The following HNRNPF variants were observed in gnomAD, a reference collection of about 807,000 sequenced individuals.
HNRNPF encodes the protein HnRNP F protein.
HNRNPF carries 2 observed loss-of-function variants against 26.0 expected under a neutral mutation model. That is an observed-to-expected ratio of 0.08 (90% CI 0.03 to 0.24). The LOEUF is 0.24. Ranked by LOEUF, HNRNPF falls within the 10% of genes least tolerant of loss-of-function variation. The pLI is 1.00. For missense variants in HNRNPF, 299 were observed against 539.2 expected (o/e 0.55, Z 4.41); for synonymous variants, 234 against 211.5 (o/e 1.11, Z -0.92).
chr10:43,387,598 A>G lies in HNRNPF; in HGVS notation c.287T>C (p.Val96Ala). The change falls in exon 4 of 4, where the codon GTG (valine) becomes GCG (alanine). Residue 96 changes from valine to alanine, a missense_variant. Physicochemically the swap from Val to Ala is moderately conservative, Grantham distance 64. Coordinates refer to ENST00000682386, the MANE Select transcript of HNRNPF (RefSeq NM_001098204.2). This position sits in a 1 kb window ranked among gnomAD's most constrained non-coding sequence, Gnocchi z 6.0. ...ACTGTTGGGACCACTGTGCTTCAAC[A>G]CCCAATCCATCTCGGTTCTGTGGGA... ...FKSHRTEMDW[V>A]LKHSGPNSAD... 1 of 1,613,932 alleles carries G rather than the reference A, an allele frequency of 6.2e-7. No homozygotes were observed. Among genetic ancestry groups the G allele is most frequent in the Non-Finnish European group, 8.5e-7 (1 of 1,179,992 alleles).
chr10:43,400,868 C>T (rs1489174232), intron 1 of HNRNPF, among the ~76,000 whole-genome samples: 4 of 144,492 alleles, frequency 2.8e-5, no homozygotes, highest in African/African-American at 7.9e-5. Flanking sequence ...GAGGCCGAGG[C>T]GGGTGGATCA....
intron 1 of HNRNPF, among the ~76,000 whole-genome samples, chr10:43,408,040 G>A (rs1838987486): frequency 6.6e-6 from 1 of 152,200 alleles, no homozygotes; most frequent in South Asian, 2.1e-4. Context: ...TCCCGCCTCA[G>A]CCTCCCGAGT....
chr10:43,405,653 T>A (rs72785271), intron 1 of HNRNPF, among the ~76,000 whole-genome samples: 42 of 145,212 alleles, frequency 2.9e-4, no homozygotes, highest in Non-Finnish European at 5.5e-4. Context: ...CAAGATTCCG[T>A]CTCGGAAAAA....
At chr10:43,407,941 T>C (rs1186076863) in intron 1 of HNRNPF, 1 of 152,210 alleles carries the variant, frequency 6.6e-6, no homozygotes, top group East Asian at 1.9e-4. Flanking sequence ...TATTACTTCT[T>C]TTGAGACAAG....
rs535809284 is a variant in HNRNPF, at chr10:43,386,426, A to G, written c.*211T>C. On this transcript the variant is annotated 3_prime_UTR_variant, in exon 4 of 4. Coordinates refer to ENST00000682386, the MANE Select transcript of HNRNPF (RefSeq NM_001098204.2). ...GTATACTACCAAAATGTTAATTGAG[A>G]AAAGCTGAAAATAGTTTTAGTTTAC... 1.8e-5 allele frequency: 9 copies of G among 505,110 alleles called. No homozygotes were observed. The South Asian group carries it at 3.2e-4, about 18-fold the overall frequency. The allele number at this position is 505,110 out of a possible 1,614,324, so 31.3% of individuals were successfully genotyped here.
chr10:43,399,942 A>C (rs1422616867), intron 1 of HNRNPF, among the ~76,000 whole-genome samples: 2 of 152,378 alleles, frequency 1.3e-5, no homozygotes, highest in East Asian at 3.9e-4. Context: ...TGGGGTTCTG[A>C]GGAAGTGACA....
At chr10:43,404,516 C>A (rs1007453909) in intron 1 of HNRNPF, among the ~76,000 whole-genome samples, 1 of 152,080 alleles carries the variant, frequency 6.6e-6, no homozygotes, top group Non-Finnish European at 1.5e-5. Context: ...CCGGTTGGAG[C>A]ACAGCACCTC....
rs142778208 is a variant in HNRNPF, at chr10:43,385,890, A to C, written c.*747T>G. ...TATTAGACTTTTATTTAGCCTCATC[A>C]TAAGAATATAAGGGAGATCATAGAT... On this transcript the variant is annotated 3_prime_UTR_variant, in exon 4 of 4. Transcript: ENST00000682386. The C allele has an allele frequency of 6.6e-6, 1 of 152,646 alleles. No individual in the cohort carries two copies. The highest frequency in any genetic ancestry group is 1.5e-5 in the Non-Finnish European group (1 of 68,042). 9.5% of individuals were successfully genotyped at this position (152,646 alleles called of 1,614,324 possible). A position where few individuals can be genotyped will look rare whatever the true frequency, so the allele number is the denominator to read the frequency against.
At chr10:43,408,097 T>C (rs949535743) in intron 1 of HNRNPF, among the ~76,000 whole-genome samples, 2 of 152,092 alleles carry the variant, frequency 1.3e-5, no homozygotes, top group South Asian at 2.1e-4. Context: ...AATTTTTTTT[T>C]CTTTACTTTT....
At chr10:43,399,444 T>A (rs1288796839) in intron 1 of HNRNPF, among the ~76,000 whole-genome samples, 2 of 152,158 alleles carry the variant, frequency 1.3e-5, no homozygotes, top group African/African-American at 4.8e-5. Context: ...GGGAACAATG[T>A]GTGCAGAAGA....
At chr10:43,388,559 CAT>C (rs1348403169) in intron 3 of HNRNPF, among the ~76,000 whole-genome samples, 3 of 152,204 alleles carry the variant, frequency 2.0e-5, no homozygotes, top group African/African-American at 7.2e-5. Flanking sequence ...AAACTGATGA[CAT>C]ATACAGACAA....
chr10:43,388,600 A>C (rs2131961190), intron 3 of HNRNPF, among the ~76,000 whole-genome samples: 1 of 152,382 alleles, frequency 6.6e-6, no homozygotes, highest in East Asian at 1.9e-4. Flanking sequence ...AGACTTAGTT[A>C]TGTGCACTGC....
At chr10:43,394,897 C>A (rs1156289978) in intron 2 of HNRNPF, among the ~76,000 whole-genome samples, 1 of 151,674 alleles carries the variant, frequency 6.6e-6, no homozygotes, top group African/African-American at 2.4e-5. Flanking sequence ...AAAAGGGAAA[C>A]GCCTTATTGA....
chr10:43,390,433 C>T lies in HNRNPF; in HGVS notation c.-52-2497G>A, dbSNP rs181848743. On this transcript the variant is annotated intron_variant, in intron 3 of 3. Transcript: ENST00000682386. ...GGGTAGGGGAGATGAAGCCATAATC[C>T]ACTAACCATTTTCTCCTGGACTCCT... 4.3e-4 allele frequency among the ~76,000 whole-genome samples: 65 copies of T among 152,238 alleles called. 1 individual carries two copies. Among genetic ancestry groups the T allele is most frequent in the Non-Finnish European group, 7.4e-4 (50 of 68,018 alleles).
chr10:43,398,266 C>T (rs1301541295), intron 1 of HNRNPF, among the ~76,000 whole-genome samples: 2 of 152,020 alleles, frequency 1.3e-5, no homozygotes, highest in African/African-American at 2.4e-5. Context: ...CCTCGTGATC[C>T]CCCTGCCTCG....
chr10:43,396,839 G>A (rs925086887), intron 1 of HNRNPF: 1 of 150,500 alleles, frequency 6.6e-6, no homozygotes, highest in Non-Finnish European at 1.5e-5. Context: ...GCGCAGCGGG[G>A]AGAGTGGGGG....
intron 1 of HNRNPF, among the ~76,000 whole-genome samples, chr10:43,399,497 G>C (rs914614084): frequency 2.0e-5 from 3 of 152,230 alleles, no homozygotes; most frequent in African/African-American, 7.2e-5. Context: ...CTAGGTCTGA[G>C]ATCAATGGTA....
intron 1 of HNRNPF, among the ~76,000 whole-genome samples, chr10:43,405,017 A>C (rs1218609563): frequency 6.6e-6 from 1 of 152,210 alleles, no homozygotes; most frequent in Non-Finnish European, 1.5e-5. Flanking sequence ...GGGAACCTCT[A>C]GATGATCACT....
In HNRNPF at chr10:43,387,956, A is replaced by C; in HGVS notation, c.-52-20T>G. ...TTGTGGCTGGAAAAAAAAAAAAGAA[A>C]AATTTATTTAGTATGCAACAGAAAT... On this transcript the variant is annotated intron_variant, in intron 3 of 3. Coordinates refer to ENST00000682386, the MANE Select transcript of HNRNPF (RefSeq NM_001098204.2). This position sits in a 1 kb window ranked among gnomAD's most constrained non-coding sequence, Gnocchi z 6.0. 1 of 1,344,424 alleles carries C rather than the reference A, an allele frequency of 7.4e-7. No individual in the cohort carries two copies. Among genetic ancestry groups the C allele is most frequent in the East Asian group, 2.3e-5 (1 of 42,844 alleles). The allele number at this position is 1,344,424 out of a possible 1,614,324, so 83.3% of individuals were successfully genotyped here. A position where few individuals can be genotyped will look rare whatever the true frequency, so the allele number is the denominator to read the frequency against.
Sources: allele counts gnomAD v4.1 joint callset (sites outside exome capture counted in the v4.1 genomes callset), GRCh38; gene constraint gnomAD v4.1.1; non-coding constraint Gnocchi (gnomAD v3.1); transcripts MANE v1.5; gene names NCBI Gene and HGNC (gene_info 2026-07-23, HGNC 2026-07-21).